The following NTRK2 variants were observed in gnomAD, a reference collection of about 807,000 sequenced individuals.
NTRK2 encodes neurotrophic receptor tyrosine kinase 2.
NTRK2 carries 13 observed loss-of-function variants against 94.5 expected under a neutral mutation model. That is an observed-to-expected ratio of 0.14 (90% CI 0.09 to 0.22). The LOEUF is 0.22. Among genes scored for constraint, NTRK2 ranks in the 10% least tolerant of loss-of-function variants. The probability of loss-of-function intolerance (pLI) is 1.00; values close to 1 mark genes in which losing one functional copy is unlikely to be tolerated. For synonymous variants in NTRK2, 372 were observed against 407.4 expected, an observed-to-expected ratio of 0.91 and a Z score of 1.05; for missense variants, 639 against 1,071.2, an observed-to-expected ratio of 0.60 and a Z score of 5.63.
intron 2 of NTRK2, among the ~76,000 whole-genome samples, chr9:84,699,926 G>A (rs893404465): frequency 3.3e-5 from 5 of 152,042 alleles, no homozygotes; most frequent in Non-Finnish European, 7.4e-5. Context: ...GAAAAGAAAG[G>A]GCATAAGTAA....
At chr9:84,774,100 A>G (rs1016442269) in intron 12 of NTRK2, among the ~76,000 whole-genome samples, 4 of 152,142 alleles carry the variant, frequency 2.6e-5, no homozygotes, top group African/African-American at 9.7e-5. Context: ...CTCTGTCTAA[A>G]TATTTTCTTT....
At chr9:84,896,304 A>C (rs1219107086) in intron 14 of NTRK2, among the ~76,000 whole-genome samples, 2 of 152,190 alleles carry the variant, frequency 1.3e-5, no homozygotes, top group Admixed American at 6.5e-5. Context: ...ATGAGGATAG[A>C]GATATTGGTC....
chr9:84,781,984 A>G (rs537325077), intron 12 of NTRK2, among the ~76,000 whole-genome samples: 1 of 151,894 alleles, frequency 6.6e-6, no homozygotes, highest in South Asian at 2.1e-4. Flanking sequence ...TCTAAAACTA[A>G]ATAGTTGTAT....
At chr9:84,757,961 G>T (rs1423101175) in intron 12 of NTRK2, among the ~76,000 whole-genome samples, 2 of 151,888 alleles carry the variant, frequency 1.3e-5, no homozygotes, top group Non-Finnish European at 2.9e-5. Flanking sequence ...AGTATGTAAG[G>T]ATACCCTTTC....
At chr9:84,993,952 G>A (rs1040461307) in intron 17 of NTRK2, among the ~76,000 whole-genome samples, 2 of 152,140 alleles carry the variant, frequency 1.3e-5, no homozygotes, top group African/African-American at 4.8e-5. Context: ...CCAGCCCAAA[G>A]CAAATTCTTT....
rs1217405221 is a variant in NTRK2 at position 85,021,123 on chromosome 9, C to T, written c.2332-129C>T. ...ACCTATAATAATTGCTCTCTTCCTT[C>T]TGAGAAAACAAAACCAAGAGTGGGC... On this transcript the variant is annotated intron_variant, in intron 18 of 18. Transcript: ENST00000277120. 12 of 777,874 alleles carry T rather than the reference C, an allele frequency of 1.5e-5. No homozygotes were observed. The East Asian group carries it at 3.2e-4, about 21-fold the overall frequency. The allele number at this position is 777,874 out of a possible 1,614,324, so 48.2% of individuals were successfully genotyped here.
At chr9:84,988,247 G>T (rs1588125911) in intron 17 of NTRK2, among the ~76,000 whole-genome samples, 1 of 152,314 alleles carries the variant, frequency 6.6e-6, no homozygotes, top group South Asian at 2.1e-4. Context: ...CCATAGATAG[G>T]CTGCCATGGC....
rs36100177 is a variant in NTRK2, at chr9:84,722,160, C to CTTTT, written c.584-1392_584-1389dup. Among the ~76,000 whole-genome samples, 158 of 67,072 alleles carry CTTTT rather than the reference C, an allele frequency of 2.4e-3. 5 individuals carry two copies. Among genetic ancestry groups the CTTTT allele is most frequent in the African/African-American group, 5.9e-3 (98 of 16,502 alleles). 44.0% of individuals were successfully genotyped at this position (67,072 alleles called of 152,430 possible). A position where few individuals can be genotyped will look rare whatever the true frequency, so the allele number is the denominator to read the frequency against. ...CCTGTATAACTCTGGCTATTAGGGG[C>CTTTT]TTTTTTTTTTTTTTTTTTTTTTTTG... On this transcript the variant is annotated intron_variant, in intron 6 of 18. Coordinates refer to ENST00000277120, the MANE Select transcript of NTRK2 (RefSeq NM_006180.6).
chr9:84,675,323 CCTTT>C (rs1471840699), intron 2 of NTRK2, among the ~76,000 whole-genome samples: 2 of 69,560 alleles, frequency 2.9e-5, no homozygotes, highest in African/African-American at 5.6e-5. Context: ...TTCTTTCTTT[CCTTT>C]TTTTTTTTTT....
At chr9:84,946,900 A>G (rs958778572) in intron 15 of NTRK2, among the ~76,000 whole-genome samples, 3 of 152,154 alleles carry the variant, frequency 2.0e-5, no homozygotes, top group Non-Finnish European at 4.4e-5. Flanking sequence ...CCTCAAAGCC[A>G]GAAATGTGAC....
intron 17 of NTRK2, among the ~76,000 whole-genome samples, chr9:84,974,280 C>T (rs1425147870): frequency 6.6e-6 from 1 of 151,476 alleles, no homozygotes; most frequent in Non-Finnish European, 1.5e-5. Flanking sequence ...AGAGCCAGGG[C>T]CTCTCCTCAT....
intron 14 of NTRK2, among the ~76,000 whole-genome samples, chr9:84,899,440 T>C (rs2076860419): frequency 6.6e-6 from 1 of 152,206 alleles, no homozygotes. Flanking sequence ...GTTACACCAC[T>C]AATCCTTATC....
At chr9:84,764,384 G>GT (rs980977508) in intron 12 of NTRK2, among the ~76,000 whole-genome samples, 7 of 151,996 alleles carry the variant, frequency 4.6e-5, no homozygotes, top group African/African-American at 1.5e-4. Context: ...CATTTCTTCT[G>GT]TTTTTATTTC....
At chr9:84,759,989 A>G (rs2132627604) in intron 12 of NTRK2, among the ~76,000 whole-genome samples, 1 of 152,354 alleles carries the variant, frequency 6.6e-6, no homozygotes, top group Non-Finnish European at 1.5e-5. Flanking sequence ...ATGGGAATAC[A>G]TTTAGCTCTA....
At chr9:84,940,542 T>G (rs987862982) in intron 15 of NTRK2, among the ~76,000 whole-genome samples, 1 of 152,170 alleles carries the variant, frequency 6.6e-6, no homozygotes, top group African/African-American at 2.4e-5. Context: ...TTCTTCCAAT[T>G]AGTCATCTGC....
intron 2 of NTRK2, among the ~76,000 whole-genome samples, chr9:84,700,953 C>T (rs552218400): frequency 1.3e-5 from 2 of 152,266 alleles, no homozygotes; most frequent in South Asian, 4.1e-4. Context: ...CTTTGAGTAC[C>T]TACCTTGTAC....
In NTRK2 at chr9:84,769,924, G is replaced by T. The variant is rs557041552; in HGVS notation, c.1396+17839G>T. On this transcript the variant is annotated intron_variant, in intron 12 of 18. Transcript: ENST00000277120. ...CATTTGGTGATGAGCAAACTCCTGTGAGCTAAAGGAAGAGGTGACACAGAC... is the reference window on the plus strand; with the variant it reads ...CATTTGGTGATGAGCAAACTCCTGTTAGCTAAAGGAAGAGGTGACACAGAC... 2.6e-5 allele frequency among the ~76,000 whole-genome samples: 4 copies of T among 152,256 alleles called. No individual in the cohort carries two copies. The East Asian group carries it at 7.7e-4, about 29-fold the overall frequency.
intron 12 of NTRK2, among the ~76,000 whole-genome samples, chr9:84,779,140 C>T (rs991362549): frequency 1.3e-5 from 2 of 152,114 alleles, no homozygotes; most frequent in Non-Finnish European, 2.9e-5. Context: ...GGCACATGGA[C>T]AAGAGTAAAA....
intron 12 of NTRK2, among the ~76,000 whole-genome samples, chr9:84,833,427 A>G (rs367818380): frequency 6.6e-6 from 1 of 151,778 alleles, no homozygotes; most frequent in Admixed American, 6.6e-5. Flanking sequence ...AGTGATTTGC[A>G]TGAGAAAAAG....
Sources: allele counts gnomAD v4.1 joint callset (sites outside exome capture counted in the v4.1 genomes callset), GRCh38; gene constraint gnomAD v4.1.1; transcripts MANE v1.5; gene names NCBI Gene and HGNC (gene_info 2026-07-23, HGNC 2026-07-21).